The following CTNNA3 variants were observed in gnomAD, a reference collection of about 807,000 sequenced individuals.
CTNNA3 encodes catenin alpha-3.
CTNNA3 carries 76 observed loss-of-function variants against 95.7 expected under a neutral mutation model. That is an observed-to-expected ratio of 0.79 (90% CI 0.66 to 0.96). CTNNA3 has a LOEUF of 0.96. CTNNA3 is among the 40% of genes least tolerant of loss of function. The pLI is 0.00. For synonymous variants in CTNNA3, 431 were observed against 374.4 expected, an observed-to-expected ratio of 1.15 and a Z score of -1.74; for missense variants, 1,191 against 1,089.8, an observed-to-expected ratio of 1.09 and a Z score of -1.31.
chr10:66,749,503 T>A (rs925018373), intron 9 of CTNNA3, among the ~76,000 whole-genome samples: 2 of 152,210 alleles, frequency 1.3e-5, no homozygotes, highest in African/African-American at 4.8e-5. Flanking sequence ...TTAGTAACTA[T>A]GCATTTCAGT....
chr10:67,212,821 C>T (rs1183784050), intron 6 of CTNNA3, among the ~76,000 whole-genome samples: 1 of 151,746 alleles, frequency 6.6e-6, no homozygotes, highest in African/African-American at 2.4e-5. Flanking sequence ...ACTTTTTTAT[C>T]TAGTGCTAAA....
intron 10 of CTNNA3, among the ~76,000 whole-genome samples, chr10:66,529,674 A>G (rs1390731744): frequency 6.6e-6 from 1 of 152,094 alleles, no homozygotes; most frequent in East Asian, 1.9e-4. Flanking sequence ...AGGACCTGCA[A>G]TGTGCCGGGC....
At chr10:66,785,683 C>T (rs1213695989) in intron 7 of CTNNA3, among the ~76,000 whole-genome samples, 1 of 152,184 alleles carries the variant, frequency 6.6e-6, no homozygotes, top group Non-Finnish European at 1.5e-5. Context: ...TTCCCAAGTT[C>T]TCCAGCTTGC....
chr10:65,999,159 T>C (rs1299514901), intron 15 of CTNNA3, among the ~76,000 whole-genome samples: 1 of 152,156 alleles, frequency 6.6e-6, no homozygotes, highest in African/African-American at 2.4e-5. Flanking sequence ...GGACTAGATG[T>C]TACGTACATG....
At position 66,550,510 on chromosome 10, in the gene CTNNA3, A is replaced by G. The variant is rs536519545; in HGVS notation, c.1375-29737T>C. Among the ~76,000 whole-genome samples, 9 of 152,252 alleles carry G rather than the reference A, an allele frequency of 5.9e-5. No homozygotes were observed. The East Asian group carries it at 1.7e-3, about 29-fold the overall frequency. ...GTGACCATTCATTTACATATTTTCT[A>G]TGACTGCTTTCATGCAAAGGTGATT... On this transcript the variant is annotated intron_variant, in intron 10 of 17. Transcript: ENST00000433211.
At chr10:65,998,668 G>C (rs921207598) in intron 15 of CTNNA3, among the ~76,000 whole-genome samples, 40 of 152,142 alleles carry the variant, frequency 2.6e-4, no homozygotes, top group African/African-American at 8.9e-4. Flanking sequence ...CCAAAATACA[G>C]TTGCTTAAGA....
chr10:67,603,396 C>T (rs766753569), intron 3 of CTNNA3, among the ~76,000 whole-genome samples: 25 of 152,082 alleles, frequency 1.6e-4, no homozygotes, highest in Admixed American at 3.9e-4. Context: ...TGTAGTGCAA[C>T]GCCTGTGGGT....
chr10:66,622,710 T>C (rs1844792323), intron 9 of CTNNA3, among the ~76,000 whole-genome samples: 1 of 152,154 alleles, frequency 6.6e-6, no homozygotes, highest in South Asian at 2.1e-4. Flanking sequence ...AGTTGTTTTA[T>C]ACTTTAACGC....
intron 12 of CTNNA3, among the ~76,000 whole-genome samples, chr10:66,371,535 G>A (rs2092754253): frequency 2.0e-5 from 3 of 152,130 alleles, no homozygotes; most frequent in Non-Finnish European, 2.9e-5. Flanking sequence ...GAAGGGCAAT[G>A]TTCTTGGTTG....
intron 5 of CTNNA3, among the ~76,000 whole-genome samples, chr10:67,299,088 G>A (rs895270186): frequency 1.3e-5 from 2 of 152,026 alleles, no homozygotes; most frequent in Non-Finnish European, 2.9e-5. Context: ...TAGTAGAGAT[G>A]GAGTTTCACC....
At chr10:65,967,045 C>T (rs1231126704) in intron 16 of CTNNA3, among the ~76,000 whole-genome samples, 1 of 152,114 alleles carries the variant, frequency 6.6e-6, no homozygotes, top group Non-Finnish European at 1.5e-5. Context: ...CAACCTCTGC[C>T]TCCCGGGTTC....
chr10:67,596,191 G>A (rs1842927613), intron 3 of CTNNA3, among the ~76,000 whole-genome samples: 1 of 152,184 alleles, frequency 6.6e-6, no homozygotes, highest in South Asian at 2.1e-4. Flanking sequence ...TGGTGTTTAT[G>A]TAGACTTGAT....
intron 12 of CTNNA3, among the ~76,000 whole-genome samples, chr10:66,310,020 A>C (rs373574740): frequency 2.6e-5 from 4 of 151,532 alleles, no homozygotes; most frequent in African/African-American, 9.7e-5. Context: ...GCTACTTGGG[A>C]GGCTGAGGCA....
chr10:66,427,778 G>T (rs1436258556), intron 11 of CTNNA3, among the ~76,000 whole-genome samples: 5 of 151,734 alleles, frequency 3.3e-5, no homozygotes, highest in African/African-American at 1.2e-4. Context: ...GGAACAACCG[G>T]TACCAGCCAC....
chr10:67,376,368 G>A (rs1296501359), intron 5 of CTNNA3, among the ~76,000 whole-genome samples: 1 of 152,156 alleles, frequency 6.6e-6, no homozygotes, highest in Admixed American at 6.5e-5. Context: ...AAAGAGAAGA[G>A]GATTGGAAAT....
intron 1 of CTNNA3, among the ~76,000 whole-genome samples, chr10:67,693,715 ATC>A (rs888992301): frequency 6.6e-6 from 1 of 152,158 alleles, no homozygotes; most frequent in Non-Finnish European, 1.5e-5. Flanking sequence ...GATATCTCTA[ATC>A]TCTCCACTTT....
At chr10:66,905,666 T>C (rs1257527730) in intron 7 of CTNNA3, among the ~76,000 whole-genome samples, 4 of 152,138 alleles carry the variant, frequency 2.6e-5, no homozygotes, top group Non-Finnish European at 5.9e-5. Context: ...ATACACATAA[T>C]GGTGGAGTAG....
chr10:66,743,068 C>T (rs1451408962), intron 9 of CTNNA3, among the ~76,000 whole-genome samples: 1 of 151,956 alleles, frequency 6.6e-6, no homozygotes. Flanking sequence ...ACATAAGATC[C>T]AAGATTTTCC....
At chr10:66,219,085 A>G (rs2088748735) in intron 13 of CTNNA3, among the ~76,000 whole-genome samples, 1 of 152,218 alleles carries the variant, frequency 6.6e-6, no homozygotes, top group East Asian at 1.9e-4. Context: ...TTACAGGTCT[A>G]TAAATCAAGA....
Sources: allele counts gnomAD v4.1 joint callset (sites outside exome capture counted in the v4.1 genomes callset), GRCh38; gene constraint gnomAD v4.1.1; transcripts MANE v1.5; gene names NCBI Gene and HGNC (gene_info 2026-07-23, HGNC 2026-07-21).